The following CHM variants were observed in gnomAD, a reference collection of about 807,000 sequenced individuals.
CHM encodes CHM Rab escort protein.
A neutral mutation model predicts 49.0 loss-of-function variants in CHM; 10 were observed. The observed-to-expected ratio is 0.20, with a 90% CI of 0.13 to 0.35. CHM has a LOEUF of 0.35. Ranked by LOEUF, CHM falls within the 10% of genes least tolerant of loss-of-function variation. CHM has a pLI of 1.00. For missense variants in CHM, 455 were observed against 478.4 expected, an observed-to-expected ratio of 0.95 and a Z score of 0.46; for synonymous variants, 184 against 167.5, an observed-to-expected ratio of 1.10 and a Z score of -0.76.
intron 8 of CHM, among the ~76,000 whole-genome samples, chrX:85,913,579 T>C (rs1245393488): frequency 9.1e-6 from 1 of 109,700 alleles, no homozygotes; most frequent in Non-Finnish European, 1.9e-5. Context: ...GATTCTCCCC[T>C]AGTGGCCCGA....
At chrX:85,966,828 A>G (rs1322422084) in intron 4 of CHM, among the ~76,000 whole-genome samples, 1 of 112,096 alleles carries the variant, frequency 8.9e-6, no homozygotes, top group Non-Finnish European at 1.9e-5. Flanking sequence ...AGCATAGCAA[A>G]TGATCTAGTC....
rs756272254 is a variant in CHM at position 86,000,932 on chromosome X, ATAG to A, written c.117-19126_117-19124del. Among the ~76,000 whole-genome samples, 143 of 111,880 alleles carry A rather than the reference ATAG, an allele frequency of 1.3e-3. 1 individual carries two copies. Among genetic ancestry groups the A allele is most frequent in the African/African-American group, 3.8e-3 (118 of 30,850 alleles). The stretch of plus-strand genomic sequence containing the variant: ...ATAATAAGTTCTGGTATTTGATAGC[ATAG>A]TAGGGAAATTACAGTTTAAAATAAT... On this transcript the variant is annotated intron_variant, in intron 2 of 14. Transcript: ENST00000357749.
intron 2 of CHM, among the ~76,000 whole-genome samples, chrX:86,014,669 C>T (rs1347838846): frequency 8.9e-6 from 1 of 112,259 alleles, no homozygotes; most frequent in African/African-American, 3.2e-5. Context: ...CACTATATAA[C>T]AAGTATGCTT....
At chrX:86,029,984 C>T (rs918116395) in intron 1 of CHM, among the ~76,000 whole-genome samples, 3 of 111,948 alleles carry the variant, frequency 2.7e-5, no homozygotes, top group Non-Finnish European at 5.6e-5. Flanking sequence ...CCATCTAACA[C>T]TACCCCAAAC....
intron 2 of CHM, among the ~76,000 whole-genome samples, chrX:85,985,002 C>T (rs1931828009): frequency 9.0e-6 from 1 of 111,466 alleles, no homozygotes; most frequent in African/African-American, 3.3e-5. Flanking sequence ...GAGGTTAGAC[C>T]CCCATACATA....
At chrX:85,920,387 T>C (rs1482831484) in intron 8 of CHM, among the ~76,000 whole-genome samples, 3 of 111,744 alleles carry the variant, frequency 2.7e-5, no homozygotes, top group Admixed American at 9.5e-5. Context: ...TGAGCCACCG[T>C]GCCCGGCCCA....
At chrX:85,902,210 T>C (rs1926331475) in intron 9 of CHM, among the ~76,000 whole-genome samples, 1 of 111,684 alleles carries the variant, frequency 9.0e-6, no homozygotes, top group East Asian at 2.8e-4. Flanking sequence ...TGCAAGCAAA[T>C]TAATTCCAAA....
chrX:85,879,124 G>A (rs1469661353), intron 12 of CHM, 61 bp from the exon 13 acceptor site: 1 of 803,860 alleles, frequency 1.2e-6, no homozygotes, highest in Non-Finnish European at 1.8e-6. Flanking sequence ...TTATACTTAA[G>A]GCATTAAGCT....
intron 12 of CHM, among the ~76,000 whole-genome samples, chrX:85,888,493 G>A (rs774243828): frequency 1.2e-4 from 13 of 111,287 alleles, no homozygotes; most frequent in South Asian, 7.6e-4. Context: ...AGGTTATCCC[G>A]GTTTTTCCTG....
At chrX:85,974,725 C>A (rs1931152230) in intron 4 of CHM, among the ~76,000 whole-genome samples, 1 of 109,166 alleles carries the variant, frequency 9.2e-6, no homozygotes, top group Admixed American at 9.8e-5. Flanking sequence ...AAACGTACAA[C>A]ATAAAACTAT....
At chrX:86,003,489 A>G (rs140272376) in intron 2 of CHM, among the ~76,000 whole-genome samples, 93 of 112,094 alleles carry the variant, frequency 8.3e-4, no homozygotes, top group Non-Finnish European at 1.6e-3. Flanking sequence ...GTTCGAACCC[A>G]TCGCAAAGAA....
rs1212485325 is a variant in CHM, at chrX:85,946,471, G to A, written c.1166+9682C>T. Among the ~76,000 whole-genome samples, 6 of 112,030 alleles carry A rather than the reference G, an allele frequency of 5.4e-5. No individual in the cohort carries two copies. In the East Asian group the frequency reaches 1.7e-3, roughly 32 times the overall value. ...CCACTTCAGCTCCAGCCTCAGCTCA[G>A]ATGACCTCAGGTTTGGCTCTGGTCG... On this transcript the variant is annotated intron_variant, in intron 8 of 14. Transcript: ENST00000357749.
chrX:85,923,678 C>T lies in CHM; in HGVS notation c.1167-12340G>A, dbSNP rs550455577. On this transcript the variant is annotated intron_variant, in intron 8 of 14. Coordinates refer to ENST00000357749, the MANE Select transcript of CHM (RefSeq NM_000390.4). ...GCTGTCCCTGCTGTCATATAACTTA[C>T]CTAGTACAAGAGAGAGACAACAAAC... Among the ~76,000 whole-genome samples, 6 of 111,565 alleles carry T rather than the reference C, an allele frequency of 5.4e-5. No individual in the cohort carries two copies. The South Asian group carries it at 2.3e-3, about 42-fold the overall frequency.
Position 86,028,004 on chromosome X carries a change from G to A in CHM, c.50-447C>T, listed in dbSNP as rs1172647864. Among the ~76,000 whole-genome samples the A allele has an allele frequency of 1.1e-4, 12 of 111,781 alleles. No individual in the cohort carries two copies. In the South Asian group the frequency reaches 1.8e-3, roughly 17 times the overall value. On this transcript the variant is annotated intron_variant, in intron 1 of 14. Coordinates refer to ENST00000357749, the MANE Select transcript of CHM (RefSeq NM_000390.4). ...TCTCAATGTCCTGACCTTGTGATCC[G>A]CCCACCTCGGCCTCCCAAAGTGCTG...
intron 2 of CHM, among the ~76,000 whole-genome samples, chrX:85,990,894 T>C (rs774662061): frequency 3.6e-5 from 4 of 112,245 alleles, no homozygotes; most frequent in East Asian, 5.6e-4. Context: ...TAAATGCTAC[T>C]AAACTACATA....
chrX:85,927,920 C>T (rs1386966849), intron 8 of CHM, among the ~76,000 whole-genome samples: 2 of 111,942 alleles, frequency 1.8e-5, no homozygotes, highest in Non-Finnish European at 3.8e-5. Flanking sequence ...CACTAATAGC[C>T]GAACTTTTGA....
At chrX:85,957,811 G>C (rs1930078921) in intron 7 of CHM, 44 bp downstream of exon 7, 1 of 1,183,687 alleles carries the variant, frequency 8.4e-7, no homozygotes, top group Non-Finnish European at 1.1e-6. Flanking sequence ...AAAATAGTAA[G>C]AAATGTCAAA....
chrX:86,034,979 G>A (rs933250039), intron 1 of CHM, among the ~76,000 whole-genome samples: 5 of 111,287 alleles, frequency 4.5e-5, no homozygotes, highest in Admixed American at 2.9e-4. Context: ...TGAGGGGATA[G>A]TCCCACACTG....
At chrX:85,910,155 C>T (rs1295324643) in intron 9 of CHM, among the ~76,000 whole-genome samples, 1 of 111,437 alleles carries the variant, frequency 9.0e-6, no homozygotes, top group African/African-American at 3.3e-5. Flanking sequence ...TTACATATTT[C>T]CAGAGTTGAG....
Sources: gnomAD v4.1 joint callset for allele counts (sites outside exome capture counted in the v4.1 genomes callset) on GRCh38, gnomAD v4.1.1 for gene constraint, MANE v1.5 for transcripts, NCBI Gene and HGNC (gene_info 2026-07-23, HGNC 2026-07-21) for gene names.